Variants in EXOC4 observed in about 807,000 individuals in gnomAD.
EXOC4 encodes exocyst complex component 4.
Under a neutral mutation model 107.2 loss-of-function variants are expected in EXOC4, and 71 were observed. That is an observed-to-expected ratio of 0.66 (90% CI 0.55 to 0.81). The LOEUF is 0.81. EXOC4 is among the 30% of genes least tolerant of loss of function. The pLI, the probability that EXOC4 is intolerant of heterozygous loss-of-function variation, is 0.00. For missense variants in EXOC4, 1,108 were observed against 1,189.6 expected (o/e 0.93, Z 1.01); for synonymous variants, 456 against 441.2 (o/e 1.03, Z -0.42).
chr7:133,324,906 G>C (rs949279780), intron 5 of EXOC4, among the ~76,000 whole-genome samples: 2 of 152,084 alleles, frequency 1.3e-5, no homozygotes, highest in Non-Finnish European at 2.9e-5. Context: ...GTATTGGGTG[G>C]ATATATGTTT....
rs1796837718 is a variant in EXOC4 at position 133,390,886 on chromosome 7, AAAAT to A, written c.1182+15889_1182+15892del. Among the ~76,000 whole-genome samples, 6 of 152,340 alleles carry A rather than the reference AAAAT, an allele frequency of 3.9e-5. No homozygotes were observed. In the South Asian group the frequency reaches 1.2e-3, roughly 32 times the overall value. ...TTTTCCCTAGTTGCAGAAGGATGGC[AAAAT>A]AAATGTTTGCTATCAAATCTATACC... On this transcript the variant is annotated intron_variant, in intron 7 of 17. Transcript: ENST00000253861.
At chr7:133,307,269 A>G (rs935503660) in intron 4 of EXOC4, among the ~76,000 whole-genome samples, 1 of 152,224 alleles carries the variant, frequency 6.6e-6, no homozygotes, top group South Asian at 2.1e-4. Flanking sequence ...AACTTCTGCC[A>G]GGCACACAGA....
At chr7:133,314,249 A>C (rs891263834) in intron 4 of EXOC4, among the ~76,000 whole-genome samples, 1 of 152,134 alleles carries the variant, frequency 6.6e-6, no homozygotes, top group African/African-American at 2.4e-5. Context: ...AGCTTCATTC[A>C]TGTCTGTAGT....
At chr7:133,436,189 T>C (rs1198296770) in intron 7 of EXOC4, among the ~76,000 whole-genome samples, 1 of 152,160 alleles carries the variant, frequency 6.6e-6, no homozygotes, top group African/African-American at 2.4e-5. Context: ...ATGAACTGTA[T>C]CAAACCCAGA....
intron 1 of EXOC4, among the ~76,000 whole-genome samples, chr7:133,262,481 A>G (rs924535507): frequency 6.6e-6 from 1 of 152,194 alleles, no homozygotes; most frequent in African/African-American, 2.4e-5. Flanking sequence ...GTAAGAAAAT[A>G]AAATATTTCA....
intron 5 of EXOC4, among the ~76,000 whole-genome samples, chr7:133,321,333 T>C (rs1253305171): frequency 6.6e-6 from 1 of 152,126 alleles, no homozygotes; most frequent in East Asian, 1.9e-4. Flanking sequence ...TATAGTTTTG[T>C]TACATAGGTA....
At chr7:133,295,463 A>C (rs1794498643) in intron 3 of EXOC4, among the ~76,000 whole-genome samples, 1 of 152,180 alleles carries the variant, frequency 6.6e-6, no homozygotes, top group Non-Finnish European at 1.5e-5. Flanking sequence ...TTTGTTGGTA[A>C]AGTATCCAAG....
At chr7:133,845,353 T>C (rs1798103842) in intron 11 of EXOC4, among the ~76,000 whole-genome samples, 1 of 149,936 alleles carries the variant, frequency 6.7e-6, no homozygotes, top group Non-Finnish European at 1.5e-5. Flanking sequence ...TGTGTGTGTG[T>C]GTGTGTGTGT....
At chr7:133,410,352 G>A (rs752086356) in intron 7 of EXOC4, among the ~76,000 whole-genome samples, 2 of 152,170 alleles carry the variant, frequency 1.3e-5, no homozygotes, top group Non-Finnish European at 2.9e-5. Flanking sequence ...GTTATCAAAT[G>A]AACGTTAATA....
At chr7:133,339,309 G>A (rs942735159) in intron 5 of EXOC4, among the ~76,000 whole-genome samples, 3 of 152,110 alleles carry the variant, frequency 2.0e-5, no homozygotes, top group Non-Finnish European at 1.5e-5. Context: ...TCAAAGATCA[G>A]TTGGTTGTAA....
intron 9 of EXOC4, among the ~76,000 whole-genome samples, chr7:133,614,842 A>G (rs956417915): frequency 1.3e-5 from 2 of 149,704 alleles, no homozygotes; most frequent in Non-Finnish European, 3.0e-5. Flanking sequence ...GGGTTTCAAG[A>G]TAGAGATCTT....
chr7:133,536,906 G>A (rs1306467267), intron 9 of EXOC4, among the ~76,000 whole-genome samples: 6 of 152,050 alleles, frequency 3.9e-5, no homozygotes, highest in East Asian at 1.9e-4. Flanking sequence ...CTTCTCTTTG[G>A]AAGTTGCCCA....
chr7:133,257,619 A>G (rs1053715306), intron 1 of EXOC4, among the ~76,000 whole-genome samples: 7 of 152,216 alleles, frequency 4.6e-5, no homozygotes, highest in African/African-American at 1.7e-4. Context: ...CTTGGCCTGT[A>G]ATAACCAGTT....
chr7:133,320,323 C>T (rs1295336085), intron 5 of EXOC4, among the ~76,000 whole-genome samples: 2 of 152,168 alleles, frequency 1.3e-5, no homozygotes, highest in African/African-American at 2.4e-5. Context: ...TTTGGAGGCT[C>T]TAGGGGAAAA....
At position 133,276,146 on chromosome 7, in the gene EXOC4, A is replaced by C. The variant is rs556282995; in HGVS notation, c.276+975A>C. ...TTTCTCCCTGTCTCTCTCTTCTCCT[A>C]CCCCTCCTTTCTCCCCTACTTTCTT... On this transcript the variant is annotated intron_variant, in intron 2 of 17. Transcript: ENST00000253861. Among the ~76,000 whole-genome samples the C allele has an allele frequency of 9.1e-4, 137 of 150,022 alleles. 8 individuals carry two copies. In the South Asian group the frequency reaches 0.027, roughly 29 times the overall value.
intron 10 of EXOC4, among the ~76,000 whole-genome samples, chr7:133,715,057 A>C (rs1171322383): frequency 6.6e-6 from 1 of 152,178 alleles, no homozygotes; most frequent in Non-Finnish European, 1.5e-5. Flanking sequence ...TGATCATCAC[A>C]AAAGAGCAGC....
At chr7:133,489,985 A>G (rs1022154750) in intron 9 of EXOC4, among the ~76,000 whole-genome samples, 4 of 152,166 alleles carry the variant, frequency 2.6e-5, no homozygotes, top group African/African-American at 9.7e-5. Context: ...TAATGTGTGT[A>G]ACTTTGGGTC....
intron 9 of EXOC4, among the ~76,000 whole-genome samples, chr7:133,580,581 T>C (rs1246049281): frequency 6.6e-6 from 1 of 152,144 alleles, no homozygotes; most frequent in Non-Finnish European, 1.5e-5. Context: ...TTCAGAGAGG[T>C]GTAAAGTAAA....
intron 10 of EXOC4, chr7:133,768,288 T>C (rs1796178000): frequency 6.6e-6 from 1 of 151,996 alleles, no homozygotes; most frequent in Non-Finnish European, 1.5e-5. Context: ...TTTTTTATTA[T>C]GAGGAATATA....
Sources: gnomAD v4.1 joint callset for allele counts (sites outside exome capture counted in the v4.1 genomes callset) on GRCh38, gnomAD v4.1.1 for gene constraint, MANE v1.5 for transcripts, NCBI Gene and HGNC (gene_info 2026-07-23, HGNC 2026-07-21) for gene names.